Variants in ITGBL1 observed in about 807,000 individuals in gnomAD.
ITGBL1 encodes the protein integrin subunit beta like 1.
In ITGBL1, 51 loss-of-function variants were observed where a neutral mutation model predicts 68.5. The ratio of observed to expected loss-of-function variants is 0.74; its 90% CI spans 0.59 to 0.94. ITGBL1 has a LOEUF of 0.94. ITGBL1 is among the 40% of genes least tolerant of loss of function. The pLI is 0.00. For synonymous variants in ITGBL1, 209 were observed against 227.3 expected, an observed-to-expected ratio of 0.92 and a Z score of 0.72; for missense variants, 649 against 647.4, an observed-to-expected ratio of 1.00 and a Z score of -0.03.
At chr13:101,575,291 C>A (rs189872076) in intron 3 of ITGBL1, 133 bp from the exon 4 acceptor site, 1 of 837,812 alleles carries the variant, frequency 1.2e-6, no homozygotes, top group Admixed American at 2.4e-5. Flanking sequence ...CCTCACCATG[C>A]CCACAGAAAT....
chr13:101,699,513 C>T lies in ITGBL1; in HGVS notation c.1132+6812C>T, dbSNP rs1854306. 2.0e-5 allele frequency among the ~76,000 whole-genome samples: 3 copies of T among 152,060 alleles called. No individual in the cohort carries two copies. In the South Asian group the frequency reaches 6.2e-4, roughly 32 times the overall value. On this transcript the variant is annotated intron_variant, in intron 8 of 10. Transcript: ENST00000376180. ...TTATTCTCATGATAGTAAGTTCTCA[C>T]GAGATCTGAAGGTTTTATAAGGGGC...
At chr13:101,597,525 C>T (rs1192878173) in intron 6 of ITGBL1, among the ~76,000 whole-genome samples, 2 of 150,690 alleles carry the variant, frequency 1.3e-5, no homozygotes, top group African/African-American at 2.4e-5. Context: ...TACTCCTTTC[C>T]GTTTTTTCTT....
intron 2 of ITGBL1, among the ~76,000 whole-genome samples, chr13:101,542,505 T>C (rs937588740): frequency 7.9e-5 from 12 of 152,118 alleles, no homozygotes; most frequent in Admixed American, 1.3e-4. Context: ...ATAAGTGTGG[T>C]GTGGTGCTGA....
intron 4 of ITGBL1, among the ~76,000 whole-genome samples, chr13:101,575,923 T>G (rs77039000): frequency 0.014 from 2,160 of 152,222 alleles, 47 homozygotes; most frequent in African/African-American, 0.049. Flanking sequence ...AACATGAGTC[T>G]CATGTCCTAT....
chr13:101,716,180 A>T lies in ITGBL1; in HGVS notation c.*526A>T, dbSNP rs79815553. ...AAGGAAAACATGCATATTCACATTA[A>T]TTAATCGATCAGATTTTTCCAGAAT... On this transcript the variant is annotated 3_prime_UTR_variant, in exon 11 of 11. Coordinates refer to ENST00000376180, the MANE Select transcript of ITGBL1 (RefSeq NM_004791.3). 4.8e-3 allele frequency: 725 copies of T among 152,374 alleles called. 6 individuals carry two copies. The highest frequency in any genetic ancestry group is 9.5e-3 in the Admixed American group (145 of 15,294). The allele number at this position is 152,374 out of a possible 1,614,324, so 9.4% of individuals were successfully genotyped here.
intron 2 of ITGBL1, among the ~76,000 whole-genome samples, chr13:101,462,424 T>TA (rs1188697009): frequency 6.6e-6 from 1 of 152,144 alleles, no homozygotes; most frequent in Non-Finnish European, 1.5e-5. Context: ...CACCCTCCTA[T>TA]AAAGTGCAGG....
intron 7 of ITGBL1, among the ~76,000 whole-genome samples, chr13:101,680,095 T>G (rs913443061): frequency 2.0e-5 from 3 of 152,212 alleles, no homozygotes; most frequent in Non-Finnish European, 2.9e-5. Context: ...TGTTTTGAAA[T>G]GGAAGGTGAG....
At chr13:101,570,481 T>C (rs865922940) in intron 3 of ITGBL1, among the ~76,000 whole-genome samples, 8 of 152,182 alleles carry the variant, frequency 5.3e-5, no homozygotes, top group South Asian at 2.1e-4. Context: ...GGGATACTTA[T>C]TTCCACTGGA....
intron 7 of ITGBL1, among the ~76,000 whole-genome samples, chr13:101,600,649 G>C (rs1312386241): frequency 3.3e-5 from 5 of 151,870 alleles, no homozygotes; most frequent in East Asian, 1.9e-4. Flanking sequence ...TAGCATGAAG[G>C]GTTGTTGAAT....
intron 7 of ITGBL1, among the ~76,000 whole-genome samples, chr13:101,679,919 G>A (rs1019415287): frequency 1.3e-5 from 2 of 152,176 alleles, no homozygotes; most frequent in African/African-American, 4.8e-5. Context: ...AAATGTCTTA[G>A]TTCCTCACAT....
intron 7 of ITGBL1, among the ~76,000 whole-genome samples, chr13:101,607,240 G>T (rs1053177477): frequency 1.1e-4 from 17 of 152,112 alleles, no homozygotes; most frequent in African/African-American, 4.1e-4. Context: ...TACAGAAGAA[G>T]AAATTAGATA....
intron 2 of ITGBL1, among the ~76,000 whole-genome samples, chr13:101,552,977 T>C (rs990904847): frequency 6.6e-6 from 1 of 152,224 alleles, no homozygotes; most frequent in African/African-American, 2.4e-5. Flanking sequence ...GGGGATTCTT[T>C]ACACAGCCCA....
At chr13:101,581,841 T>C (rs1363235245) in intron 5 of ITGBL1, among the ~76,000 whole-genome samples, 1 of 152,234 alleles carries the variant, frequency 6.6e-6, no homozygotes, top group Admixed American at 6.5e-5. Flanking sequence ...AAGTACATAT[T>C]GCAAAATCGC....
intron 8 of ITGBL1, among the ~76,000 whole-genome samples, chr13:101,701,162 G>A (rs899678523): frequency 6.6e-6 from 1 of 152,168 alleles, no homozygotes; most frequent in African/African-American, 2.4e-5. Context: ...CAAAGCATTT[G>A]AATATTAATG....
chr13:101,707,121 A>T (rs1250286711), intron 9 of ITGBL1, among the ~76,000 whole-genome samples: 5 of 152,252 alleles, frequency 3.3e-5, no homozygotes, highest in Admixed American at 3.3e-4. Context: ...ATATCCTTGT[A>T]TGCAAAGTTA....
rs536399601 is a variant in ITGBL1, at chr13:101,548,572, A to G, written c.317-19127A>G. Among the ~76,000 whole-genome samples the G allele has an allele frequency of 3.3e-5, 5 of 151,998 alleles. No homozygotes were observed. In the South Asian group the frequency reaches 1.0e-3, roughly 32 times the overall value. Reference sequence around the variant, plus strand: ...CATTAAGTTTAGTGCATTTAAGTGAAGAATAAGAAACATATATCCATGTCT... The same window carrying G: ...CATTAAGTTTAGTGCATTTAAGTGAGGAATAAGAAACATATATCCATGTCT... On this transcript the variant is annotated intron_variant, in intron 2 of 10. Transcript: ENST00000376180.
At chr13:101,683,230 A>T (rs1273886575) in intron 7 of ITGBL1, among the ~76,000 whole-genome samples, 1 of 152,040 alleles carries the variant, frequency 6.6e-6, no homozygotes, top group Non-Finnish European at 1.5e-5. Context: ...TCTCATGTTC[A>T]TGTAATCACC....
At chr13:101,716,834 A>C (rs1002061027), downstream of ITGBL1, 1 of 152,004 alleles carries the variant, frequency 6.6e-6, no homozygotes, top group Non-Finnish European at 1.5e-5. Flanking sequence ...TAGAAATTAC[A>C]AATATTCACT....
intron 8 of ITGBL1, among the ~76,000 whole-genome samples, chr13:101,705,913 C>G (rs1566799572): frequency 6.6e-6 from 1 of 152,158 alleles, no homozygotes; most frequent in African/African-American, 2.4e-5. Flanking sequence ...TACTCAGTAA[C>G]TCTTCGCTAG....
Sources: gnomAD v4.1 joint callset for allele counts (sites outside exome capture counted in the v4.1 genomes callset) on GRCh38, gnomAD v4.1.1 for gene constraint, MANE v1.5 for transcripts, NCBI Gene and HGNC (gene_info 2026-07-23, HGNC 2026-07-21) for gene names.